KAT6B: variants seen among roughly 807,000 people sequenced by gnomAD.
KAT6B encodes histone acetyltransferase KAT6B.
Under a neutral mutation model 187.5 loss-of-function variants are expected in KAT6B, and 10 were observed. That is an observed-to-expected ratio of 0.05 (90% CI 0.03 to 0.09). The LOEUF (loss-of-function observed/expected upper bound fraction) is 0.09. Ranked by LOEUF, KAT6B falls within the 10% of genes least tolerant of loss-of-function variation. The pLI is 1.00. For missense variants in KAT6B, 1,952 were observed against 2,558.9 expected (o/e 0.76, Z 5.12); for synonymous variants, 861 against 926.8 (o/e 0.93, Z 1.29).
intron 1 of KAT6B, among the ~76,000 whole-genome samples, chr10:74,832,658 C>A (rs772393457): frequency 6.6e-6 from 1 of 151,792 alleles, no homozygotes; most frequent in African/African-American, 2.4e-5. Flanking sequence ...TGCGCCACCA[C>A]GCCTGCTAAT....
At chr10:75,002,294 G>A (rs1015678686) in intron 13 of KAT6B, among the ~76,000 whole-genome samples, 15 of 151,816 alleles carry the variant, frequency 9.9e-5, no homozygotes, top group African/African-American at 3.4e-4. Context: ...CCTCAGAAAT[G>A]TGTTTGGAGG....
intron 12 of KAT6B, among the ~76,000 whole-genome samples, chr10:74,986,857 A>T (rs1262619372): frequency 5.3e-5 from 8 of 152,200 alleles, no homozygotes; most frequent in Non-Finnish European, 1.2e-4. Flanking sequence ...ACATAGGCTT[A>T]ACGGTGCCCA....
At chr10:74,965,885 C>T (rs954636898) in intron 4 of KAT6B, among the ~76,000 whole-genome samples, 48 of 150,758 alleles carry the variant, frequency 3.2e-4, no homozygotes, top group African/African-American at 1.1e-3. Flanking sequence ...GCCACCACGC[C>T]CGGCCAATTT....
intron 13 of KAT6B, among the ~76,000 whole-genome samples, chr10:75,008,766 A>G (rs1402041523): frequency 6.6e-6 from 1 of 152,210 alleles, no homozygotes; most frequent in Non-Finnish European, 1.5e-5. Flanking sequence ...AATAATTTAT[A>G]TAAATCTTCC....
Position 75,030,434 on chromosome 10 carries a change from G to C in KAT6B, c.5610G>C (p.Gly1870=). ...CTCAGTCTCCACACTCCGTCCCTGGGGGACCCCAAGCACAAGCTACCATGA... is the reference window on the plus strand; with the variant it reads ...CTCAGTCTCCACACTCCGTCCCTGGCGGACCCCAAGCACAAGCTACCATGA... ...QLSQSPHSVP[G]GPQAQATMTP... is the part of the protein sequence containing the mutation. The change falls in exon 18 of 18, where the codon GGG becomes GGC. Residue 1870 remains glycine (G), a synonymous_variant. Transcript: ENST00000287239. The surrounding 1 kb of genome is among the most constrained non-coding windows in gnomAD (Gnocchi z 4.8). The C allele has an allele frequency of 6.2e-7, 1 of 1,614,158 alleles. No individual in the cohort carries two copies. The highest frequency in any genetic ancestry group is 1.1e-5 in the South Asian group (1 of 91,072).
intron 3 of KAT6B, among the ~76,000 whole-genome samples, chr10:74,923,964 G>A (rs1848318462): frequency 6.6e-6 from 1 of 152,198 alleles, no homozygotes; most frequent in East Asian, 1.9e-4. Context: ...TGGTAATGGT[G>A]GAGAGTGTGA....
At chr10:74,861,061 C>G (rs565821467) in intron 3 of KAT6B, among the ~76,000 whole-genome samples, 1 of 151,808 alleles carries the variant, frequency 6.6e-6, no homozygotes, top group Non-Finnish European at 1.5e-5. Flanking sequence ...CACTTGAACC[C>G]GGGAGGTGGA....
At chr10:74,966,242 C>T (rs577599365) in intron 4 of KAT6B, among the ~76,000 whole-genome samples, 86 of 152,280 alleles carry the variant, frequency 5.6e-4, no homozygotes, top group African/African-American at 1.8e-3. Flanking sequence ...CATTTCTAAC[C>T]AAGTCCGTAA....
chr10:74,831,494 A>G (rs919857734), intron 1 of KAT6B, among the ~76,000 whole-genome samples: 1 of 152,244 alleles, frequency 6.6e-6, no homozygotes, highest in Non-Finnish European at 1.5e-5. Flanking sequence ...TCTTGACCCC[A>G]GCCTCACCAT....
chr10:74,900,348 T>G lies in KAT6B; in HGVS notation c.621+56870T>G, dbSNP rs574537940. Among the ~76,000 whole-genome samples, 206 of 152,336 alleles carry G rather than the reference T, an allele frequency of 1.4e-3. 1 individual carries two copies. Among genetic ancestry groups the G allele is most frequent in the African/African-American group, 4.7e-3 (196 of 41,582 alleles). On this transcript the variant is annotated intron_variant, in intron 3 of 17. Transcript: ENST00000287239. ...TTCAAAACAGAAAGTAGAGGTGGAT[T>G]GGGCCCAGTTGGCTCCAGTTGCTCA...
At chr10:74,930,454 C>G (rs915841094) in intron 3 of KAT6B, among the ~76,000 whole-genome samples, 1 of 152,112 alleles carries the variant, frequency 6.6e-6, no homozygotes, top group African/African-American at 2.4e-5. Flanking sequence ...CTCACATAGA[C>G]TTAGCTGAAA....
chr10:74,916,080 T>C (rs928719961), intron 3 of KAT6B, among the ~76,000 whole-genome samples: 8 of 152,138 alleles, frequency 5.3e-5, no homozygotes, highest in African/African-American at 1.9e-4. Context: ...GGAGAATTGC[T>C]TGAACCCGGA....
chr10:74,963,987 C>A (rs1196547353), intron 4 of KAT6B, among the ~76,000 whole-genome samples: 1 of 152,010 alleles, frequency 6.6e-6, no homozygotes, highest in African/African-American at 2.4e-5. Flanking sequence ...AAAAAATTAG[C>A]CGGGCATGGT....
rs1300610592 is a variant in KAT6B, at chr10:74,848,991, C to CT, written c.621+5521dup. On this transcript the variant is annotated intron_variant, in intron 3 of 17. Transcript: ENST00000287239. Reference sequence around the variant, plus strand: ...CAATTACAATCTAGTCAACTAATGCCTTTTTTTTGAGACAGAGTGTCACTG... The same window carrying CT: ...CAATTACAATCTAGTCAACTAATGCCTTTTTTTTTGAGACAGAGTGTCACTG... Among the ~76,000 whole-genome samples, 7 of 151,726 alleles carry CT rather than the reference C, an allele frequency of 4.6e-5. No homozygotes were observed. In the South Asian group the frequency reaches 6.3e-4, roughly 14 times the overall value.
chr10:75,031,248 T>C lies in KAT6B; in HGVS notation c.*202T>C. On this transcript the variant is annotated 3_prime_UTR_variant, in exon 18 of 18. Transcript: ENST00000287239. The stretch of plus-strand genomic sequence containing the variant: ...TTTTTCTTTTTTTCCTTTTTCTTTT[T>C]TTTGGTACCTTCATTTCTGTTACTT... 1.6e-6 allele frequency: 1 copy of C among 607,700 alleles called. No homozygotes were observed. The highest frequency in any genetic ancestry group is 2.9e-5 in the East Asian group (1 of 34,536). 37.6% of individuals were successfully genotyped at this position (607,700 alleles called of 1,614,324 possible).
rs373441255 is a variant in KAT6B at position 74,912,602 on chromosome 10, C to T, written c.622-47368C>T. On this transcript the variant is annotated intron_variant, in intron 3 of 17. Coordinates refer to ENST00000287239, the MANE Select transcript of KAT6B (RefSeq NM_012330.4). ...TATTATGTGAGCATTTTGCTTTCTCCTATCCCTCCCTCTTTCTTTAACATC... is the reference window on the plus strand; with the variant it reads ...TATTATGTGAGCATTTTGCTTTCTCTTATCCCTCCCTCTTTCTTTAACATC... Among the ~76,000 whole-genome samples, 27 of 152,258 alleles carry T rather than the reference C, an allele frequency of 1.8e-4. No homozygotes were observed. In the East Asian group the frequency reaches 3.1e-3, roughly 17 times the overall value.
At chr10:74,997,280 A>G (rs1482243904) in intron 13 of KAT6B, among the ~76,000 whole-genome samples, 1 of 149,806 alleles carries the variant, frequency 6.7e-6, no homozygotes, top group Non-Finnish European at 1.5e-5. Flanking sequence ...TACATAAACA[A>G]ATAGGCAGAG....
rs117799825 is a variant in KAT6B, at chr10:74,905,724, C to A, written c.622-54246C>A. On this transcript the variant is annotated intron_variant, in intron 3 of 17. Transcript: ENST00000287239. Reference sequence around the variant, plus strand: ...CTGTGATGGGAGCTGTCAGCCCCAGCAGGCAGGAGTTAGAATTGTCTGGAA... The same window carrying A: ...CTGTGATGGGAGCTGTCAGCCCCAGAAGGCAGGAGTTAGAATTGTCTGGAA... Among the ~76,000 whole-genome samples the A allele has an allele frequency of 2.7e-3, 407 of 152,306 alleles. 1 individual carries two copies. Among genetic ancestry groups the A allele is most frequent in the Non-Finnish European group, 4.5e-3 (305 of 68,024 alleles).
At chr10:74,884,734 G>C (rs961293054) in intron 3 of KAT6B, among the ~76,000 whole-genome samples, 1 of 151,898 alleles carries the variant, frequency 6.6e-6, no homozygotes, top group Non-Finnish European at 1.5e-5. Context: ...ATGCCCGGCT[G>C]ATTTTTTGTA....
Sources: allele counts gnomAD v4.1 joint callset (sites outside exome capture counted in the v4.1 genomes callset), GRCh38; gene constraint gnomAD v4.1.1; non-coding constraint Gnocchi (gnomAD v3.1); transcripts MANE v1.5; gene names NCBI Gene and HGNC (gene_info 2026-07-23, HGNC 2026-07-21).